BORCS5: variants seen among roughly 807,000 people sequenced by gnomAD.
BORCS5 encodes BLOC-1-related complex subunit 5.
In BORCS5, 17 loss-of-function variants were observed where a neutral mutation model predicts 22.1. The observed-to-expected ratio is 0.77, with a 90% CI of 0.53 to 1.15. The LOEUF is 1.15. Among genes scored for constraint, BORCS5 ranks in the 50% most tolerant of loss-of-function variants. The pLI, the probability that BORCS5 is intolerant of heterozygous loss-of-function variation, is 0.00. For synonymous variants in BORCS5, 117 were observed against 99.8 expected (o/e 1.17, Z -1.03); for missense variants, 247 against 253.2 (o/e 0.98, Z 0.17).
chr12:12,427,526 A>G (rs952441314), intron 2 of BORCS5, among the ~76,000 whole-genome samples: 2 of 152,158 alleles, frequency 1.3e-5, no homozygotes, highest in Non-Finnish European at 2.9e-5. Context: ...TTTGAGAACT[A>G]GAGTTTAAGT....
At chr12:12,457,623 TC>T (rs1421256924) in intron 3 of BORCS5, among the ~76,000 whole-genome samples, 2 of 152,160 alleles carry the variant, frequency 1.3e-5, no homozygotes, top group African/African-American at 4.8e-5. Context: ...TGAGCCGAGA[TC>T]GCGCCACTGC....
intron 3 of BORCS5, among the ~76,000 whole-genome samples, chr12:12,453,673 A>G (rs1353093038): frequency 1.3e-5 from 2 of 152,274 alleles, no homozygotes; most frequent in Middle Eastern, 3.4e-3. Context: ...TTATTTTATT[A>G]TTTTTTAAAA....
At chr12:12,369,712 C>CTTTTT (rs71061052) in intron 2 of BORCS5, among the ~76,000 whole-genome samples, 634 of 42,952 alleles carry the variant, frequency 0.015, 116 homozygotes, top group African/African-American at 0.048. Flanking sequence ...CCCCCCACTT[C>CTTTTT]TTTTTTTTTT....
chr12:12,423,745 G>A (rs1942204347), intron 2 of BORCS5, among the ~76,000 whole-genome samples: 1 of 152,064 alleles, frequency 6.6e-6, no homozygotes, highest in Non-Finnish European at 1.5e-5. Flanking sequence ...CTAGAGTGCA[G>A]TAGTGCAATC....
chr12:12,430,151 A>ATTTTTTTTTTTTTTTTTTTTTT, intron 2 of BORCS5, among the ~76,000 whole-genome samples: 1 of 107,748 alleles, frequency 9.3e-6, no homozygotes, highest in Non-Finnish European at 1.8e-5. Flanking sequence ...CTTAGAGAAA[A>ATTTTTTTTTTTTTTTTTTTTTT]TTTTTTTTTT....
chr12:12,461,481 A>G (rs1306958514), intron 3 of BORCS5, among the ~76,000 whole-genome samples: 4 of 152,024 alleles, frequency 2.6e-5, no homozygotes, highest in Admixed American at 6.6e-5. Context: ...CAGCATTCCT[A>G]TCTGTCAGTA....
intron 2 of BORCS5, among the ~76,000 whole-genome samples, chr12:12,373,211 C>G (rs1466594969): frequency 6.6e-6 from 1 of 152,208 alleles, no homozygotes; most frequent in Non-Finnish European, 1.5e-5. Context: ...ATTTGCAAAC[C>G]AGGAAGAGTG....
chr12:12,428,509 A>G (rs1378103200), intron 2 of BORCS5, among the ~76,000 whole-genome samples: 1 of 152,232 alleles, frequency 6.6e-6, no homozygotes, highest in East Asian at 1.9e-4. Flanking sequence ...TAATATATGG[A>G]ATCTGTTAGA....
At chr12:12,365,039 G>A (rs1863374803) in intron 2 of BORCS5, among the ~76,000 whole-genome samples, 1 of 152,224 alleles carries the variant, frequency 6.6e-6, no homozygotes, top group Non-Finnish European at 1.5e-5. Flanking sequence ...AATGCAACTG[G>A]ACCTGGTTGC....
At chr12:12,418,928 T>C (rs1942041729) in intron 2 of BORCS5, among the ~76,000 whole-genome samples, 1 of 152,224 alleles carries the variant, frequency 6.6e-6, no homozygotes, top group Non-Finnish European at 1.5e-5. Flanking sequence ...AGATGCCTTA[T>C]AGCTTTTTTT....
At chr12:12,425,206 G>C (rs1942252254) in intron 2 of BORCS5, among the ~76,000 whole-genome samples, 1 of 152,202 alleles carries the variant, frequency 6.6e-6, no homozygotes, top group Admixed American at 6.5e-5. Flanking sequence ...GTGCTATTAT[G>C]ATGACAGCTG....
intron 2 of BORCS5, among the ~76,000 whole-genome samples, chr12:12,423,273 A>G (rs1423786864): frequency 1.3e-5 from 2 of 152,034 alleles, no homozygotes; most frequent in Non-Finnish European, 2.9e-5. Context: ...AAGTGCTGGG[A>G]TTACAGGCAT....
intron 2 of BORCS5, among the ~76,000 whole-genome samples, chr12:12,418,512 C>G (rs1942031790): frequency 6.6e-6 from 1 of 151,994 alleles, no homozygotes; most frequent in African/African-American, 2.4e-5. Flanking sequence ...TAGTTAGACC[C>G]CCATCTCTAC....
At chr12:12,357,797 T>A (rs1370463640) in intron 1 of BORCS5, among the ~76,000 whole-genome samples, 2 of 152,210 alleles carry the variant, frequency 1.3e-5, no homozygotes, top group African/African-American at 4.8e-5. Flanking sequence ...TAATTAATTT[T>A]TGGCTCTAGT....
chr12:12,400,274 A>G (rs1941438788), intron 2 of BORCS5, among the ~76,000 whole-genome samples: 2 of 152,192 alleles, frequency 1.3e-5, no homozygotes, highest in South Asian at 2.1e-4. Context: ...TGAGCAGCCA[A>G]TGTTTCACGC....
intron 2 of BORCS5, among the ~76,000 whole-genome samples, chr12:12,408,277 G>A (rs1941638276): frequency 6.6e-6 from 1 of 152,178 alleles, no homozygotes; most frequent in Non-Finnish European, 1.5e-5. Context: ...ATAAATATCT[G>A]TATGAGTCCC....
intron 2 of BORCS5, among the ~76,000 whole-genome samples, chr12:12,379,676 C>G (rs1863734842): frequency 1.3e-5 from 2 of 151,412 alleles, no homozygotes; most frequent in South Asian, 4.2e-4. Flanking sequence ...AGTAGAACCT[C>G]TGAGGTGCTT....
intron 2 of BORCS5, among the ~76,000 whole-genome samples, chr12:12,391,157 G>T (rs1197781470): frequency 6.6e-6 from 1 of 151,996 alleles, no homozygotes; most frequent in Non-Finnish European, 1.5e-5. Context: ...CATAACAGGA[G>T]CATAAGTAAG....
chr12:12,430,745 G>T (rs1379886342), intron 2 of BORCS5, among the ~76,000 whole-genome samples: 1 of 151,982 alleles, frequency 6.6e-6, no homozygotes, highest in African/African-American at 2.4e-5. Flanking sequence ...TATCATTTCA[G>T]AGTTTATTTA....
Sources: gnomAD v4.1 joint callset for allele counts (sites outside exome capture counted in the v4.1 genomes callset) on GRCh38, gnomAD v4.1.1 for gene constraint, MANE v1.5 for transcripts, NCBI Gene and HGNC (gene_info 2026-07-23, HGNC 2026-07-21) for gene names.